The following ZNF487 variants were observed in gnomAD, a reference collection of about 807,000 sequenced individuals.
ZNF487 encodes KRAB domain only 1.
A neutral mutation model predicts 3.0 loss-of-function variants in ZNF487; 4 were observed. The observed-to-expected ratio is 1.35, with a 90% confidence interval of 0.66 to 3.08. The LOEUF (loss-of-function observed/expected upper bound fraction) is 3.08. Ranked by LOEUF, ZNF487 falls within the 30% of genes most tolerant of loss-of-function variation. The probability of loss-of-function intolerance (pLI) is 0.01; values close to 1 mark genes in which losing one functional copy is unlikely to be tolerated. For synonymous variants in ZNF487, 55 were observed against 34.6 expected (o/e 1.59, Z -2.06); for missense variants, 146 against 98.7 (o/e 1.48, Z -2.03).
chr10:43,467,417 C>T (rs986825404), intron 1 of ZNF487, among the ~76,000 whole-genome samples: 1 of 151,356 alleles, frequency 6.6e-6, no homozygotes, highest in Admixed American at 6.6e-5. Context: ...ATTGGCCAGG[C>T]TGGTCTCAAA....
Position 43,437,160 on chromosome 10 carries a change from G to A in ZNF487, c.-196G>A, listed in dbSNP as rs893347922. On this transcript the variant is annotated 5_prime_UTR_variant, in exon 1 of 4. Coordinates refer to ENST00000437590, the MANE Select transcript of ZNF487 (RefSeq NM_001355444.3). Reference sequence around the variant, plus strand: ...GGTGAGATGGTCAACAAGCCTGTAAGTTCCTCAGCTACGACTACCAGGTAC... The same window carrying A: ...GGTGAGATGGTCAACAAGCCTGTAAATTCCTCAGCTACGACTACCAGGTAC... 1.8e-5 allele frequency: 5 copies of A among 279,420 alleles called. No homozygotes were observed. The highest frequency in any genetic ancestry group is 7.1e-5 in the African/African-American group (3 of 42,044). 17.3% of individuals were successfully genotyped at this position (279,420 alleles called of 1,614,324 possible). A position where few individuals can be genotyped will look rare whatever the true frequency, so the allele number is the denominator to read the frequency against.
At chr10:43,463,165 C>G (rs1840494947) in intron 1 of ZNF487, among the ~76,000 whole-genome samples, 1 of 151,460 alleles carries the variant, frequency 6.6e-6, no homozygotes, top group Non-Finnish European at 1.5e-5. Context: ...ACCCAGGAGG[C>G]AGAGGTTGCG....
chr10:43,466,040 C>T (rs1309220365), intron 1 of ZNF487, among the ~76,000 whole-genome samples: 1 of 152,222 alleles, frequency 6.6e-6, no homozygotes, highest in African/African-American at 2.4e-5. Flanking sequence ...ATACGAAAAC[C>T]AGTCAGGCGT....
At chr10:43,480,031 CTTTCTTTCTTTCT>C (rs1564428882) in intron 3 of ZNF487, among the ~76,000 whole-genome samples, 14,062 of 81,954 alleles carry the variant, frequency 0.17, 1,173 homozygotes, top group Non-Finnish European at 0.24. Context: ...TTCTTTCTTT[CTTTCTTTCTTTCT>C]TTTTCTTTCT....
rs1369246559 is a variant in ZNF487, at chr10:43,482,555, AACAC to A, written c.*639_*642del. ...AGTCAAATCTTCATGTACATCAGAG[AACAC>A]ACACAGGAGAGAAACCCTATGGATG... On this transcript the variant is annotated 3_prime_UTR_variant, in exon 4 of 4. Transcript: ENST00000437590. 2.0e-6 allele frequency: 1 copy of A among 507,366 alleles called. No homozygotes were observed. The allele number at this position is 507,366 out of a possible 1,614,324, so 31.4% of individuals were successfully genotyped here.
chr10:43,475,574 A>G, intron 1 of ZNF487, 147 bp from the exon 2 acceptor site: 1 of 618,618 alleles, frequency 1.6e-6, no homozygotes, highest in Non-Finnish European at 2.9e-6. Flanking sequence ...TCATTTTCCT[A>G]CAATGTATAA....
At chr10:43,472,569 G>C (rs1840941373) in intron 1 of ZNF487, among the ~76,000 whole-genome samples, 1 of 152,120 alleles carries the variant, frequency 6.6e-6, no homozygotes, top group African/African-American at 2.4e-5. Context: ...TGTGTAGGAA[G>C]AGTCAGGTTG....
the ZNF487 span, among the ~76,000 whole-genome samples, chr10:43,519,890 A>G: frequency 4.6e-5 from 7 of 152,208 alleles, no homozygotes; most frequent in East Asian, 7.7e-4. Flanking sequence ...TCTTTCAAAC[A>G]TGTAGTGCTC....
chr10:43,461,027 A>G (rs564829951), intron 1 of ZNF487, among the ~76,000 whole-genome samples: 73 of 144,638 alleles, frequency 5.0e-4, no homozygotes, highest in Non-Finnish European at 5.4e-4. Flanking sequence ...TTTTTTTGAG[A>G]CAGAGTTTCG....
chr10:43,483,302 G>A (rs527650441), downstream of ZNF487: 143 of 361,076 alleles, frequency 4.0e-4, no homozygotes, highest in Middle Eastern at 9.9e-4. Context: ...GTGCAATGGC[G>A]TGATCTTGGC....
the ZNF487 span, among the ~76,000 whole-genome samples, chr10:43,500,630 T>C: frequency 6.6e-6 from 1 of 151,758 alleles, no homozygotes; most frequent in African/African-American, 2.4e-5. Flanking sequence ...GCCTCCTGAG[T>C]AGCTGGGACC....
the ZNF487 span, among the ~76,000 whole-genome samples, chr10:43,515,081 G>A: frequency 2.0e-5 from 3 of 152,296 alleles, no homozygotes; most frequent in African/African-American, 4.8e-5. Flanking sequence ...TGCAGAGTCC[G>A]TACTTAGTGG....
chr10:43,486,879 T>C (rs1472862987), downstream of ZNF487, among the ~76,000 whole-genome samples: 1 of 152,198 alleles, frequency 6.6e-6, no homozygotes, highest in Non-Finnish European at 1.5e-5. Context: ...TATTTTACTC[T>C]TCAAGGAAAA....
chr10:43,441,559 G>C (rs1405344473), intron 1 of ZNF487, among the ~76,000 whole-genome samples: 1 of 151,500 alleles, frequency 6.6e-6, no homozygotes, highest in Admixed American at 6.6e-5. Context: ...GAGCCACCGC[G>C]CCTGGCCAAT....
chr10:43,492,163 C>T, the ZNF487 span, among the ~76,000 whole-genome samples: 2 of 151,652 alleles, frequency 1.3e-5, no homozygotes, highest in African/African-American at 2.4e-5. Context: ...CCCAGGCTAC[C>T]GCCAGTTTTT....
the ZNF487 span, among the ~76,000 whole-genome samples, chr10:43,497,821 G>T: frequency 6.6e-6 from 1 of 151,344 alleles, no homozygotes; most frequent in East Asian, 2.0e-4. Flanking sequence ...CAAAAAATTA[G>T]CTGGGCGTGG....
At chr10:43,494,371 G>A in the ZNF487 span, among the ~76,000 whole-genome samples, 1 of 152,082 alleles carries the variant, frequency 6.6e-6, no homozygotes, top group Non-Finnish European at 1.5e-5. Context: ...AACCATTCCT[G>A]GTTCCTGTAC....
Position 43,483,070 on chromosome 10 carries a change from T to C in ZNF487, c.*1148T>C, listed in dbSNP as rs1841425711. On this transcript the variant is annotated 3_prime_UTR_variant, in exon 4 of 4. Coordinates refer to ENST00000437590, the MANE Select transcript of ZNF487 (RefSeq NM_001355444.3). Reference sequence around the variant, plus strand: ...CAGAGAGACAACATAGAGGAAACCCTTGTCAACATCCTGAAGGCTCAGAAA... The same window carrying C: ...CAGAGAGACAACATAGAGGAAACCCCTGTCAACATCCTGAAGGCTCAGAAA... 2.2e-6 allele frequency: 1 copy of C among 458,072 alleles called. No individual in the cohort carries two copies. The highest frequency in any genetic ancestry group is 6.9e-5 in the East Asian group (1 of 14,410). The allele number at this position is 458,072 out of a possible 1,614,324, so 28.4% of individuals were successfully genotyped here.
chr10:43,465,184 C>G (rs1209393176), intron 1 of ZNF487, among the ~76,000 whole-genome samples: 1 of 141,508 alleles, frequency 7.1e-6, no homozygotes, highest in Non-Finnish European at 1.5e-5. Flanking sequence ...GCTGGCCGGG[C>G]GGGGGGCTGA....
Sources: allele counts gnomAD v4.1 joint callset (sites outside exome capture counted in the v4.1 genomes callset), GRCh38; gene constraint gnomAD v4.1.1; transcripts MANE v1.5; gene names NCBI Gene and HGNC (gene_info 2026-07-23, HGNC 2026-07-21).